Variants in PKHD1L1 observed in about 807,000 individuals in gnomAD.
PKHD1L1 encodes fibrocystin-L.
PKHD1L1 carries 434 observed loss-of-function variants against 462.9 expected under a neutral mutation model. The ratio of observed to expected loss-of-function variants is 0.94; its 90% CI spans 0.87 to 1.02. The LOEUF is 1.02. Among genes scored for constraint, PKHD1L1 ranks in the 50% least tolerant of loss-of-function variants. The probability of loss-of-function intolerance (pLI) is 0.00; values close to 1 mark genes in which losing one functional copy is unlikely to be tolerated. For missense variants in PKHD1L1, 5,202 were observed against 5,096.1 expected (o/e 1.02, Z -0.63); for synonymous variants, 1,781 against 1,750.0 (o/e 1.02, Z -0.44).
chr8:109,445,602 CCTG>C lies in PKHD1L1; in HGVS notation c.5734_5736del (p.Leu1912del). On this transcript the variant is annotated inframe_deletion, in exon 38 of 78. Coordinates refer to ENST00000378402, the MANE Select transcript of PKHD1L1 (RefSeq NM_177531.6). Reference sequence around the variant, plus strand: ...ATCCACCTTTGCTTTTTACATATGCCCTGGAGGATACTCCATTTCTCAGAGGAA... The same window carrying C: ...ATCCACCTTTGCTTTTTACATATGCCGAGGATACTCCATTTCTCAGAGGAA... The C allele has an allele frequency of 6.2e-7, 1 of 1,609,904 alleles. No homozygotes were observed. The highest frequency in any genetic ancestry group is 8.5e-7 in the Non-Finnish European group (1 of 1,177,464).
intron 21 of PKHD1L1, among the ~76,000 whole-genome samples, chr8:109,415,773 G>A (rs1223661171): frequency 4.0e-5 from 6 of 151,566 alleles, no homozygotes; most frequent in South Asian, 2.1e-4. Context: ...GCTTGAGTCC[G>A]GGAGATCCAG....
At chr8:109,395,610 A>G (rs1439378031) in intron 10 of PKHD1L1, among the ~76,000 whole-genome samples, 1 of 152,246 alleles carries the variant, frequency 6.6e-6, no homozygotes, top group Non-Finnish European at 1.5e-5. Flanking sequence ...CAAAGCCACA[A>G]GAAGTTCAAT....
chr8:109,410,137 G>A (rs1294857778), intron 19 of PKHD1L1, among the ~76,000 whole-genome samples, 159 bp downstream of exon 19: 1 of 152,162 alleles, frequency 6.6e-6, no homozygotes, highest in Non-Finnish European at 1.5e-5. Context: ...AGGGCTGTTG[G>A]TAGGTGCTAT....
rs182730412 is a variant in PKHD1L1, at chr8:109,431,399, A to G, written c.3229+1362A>G. The stretch of plus-strand genomic sequence containing the variant: ...ATCATTAATTTAAGAAAGAAATATT[A>G]TAGGAACAGCTAAATTTCTCTTTAA... On this transcript the variant is annotated intron_variant, in intron 27 of 77. Coordinates refer to ENST00000378402, the MANE Select transcript of PKHD1L1 (RefSeq NM_177531.6). 1.0e-3 allele frequency among the ~76,000 whole-genome samples: 153 copies of G among 152,316 alleles called. 4 individuals carry two copies. Among genetic ancestry groups the G allele is most frequent in the Admixed American group, 5.9e-4 (9 of 15,298 alleles).
intron 2 of PKHD1L1, among the ~76,000 whole-genome samples, chr8:109,374,999 G>A (rs1311334050): frequency 1.3e-5 from 2 of 152,128 alleles, no homozygotes; most frequent in Non-Finnish European, 2.9e-5. Flanking sequence ...TCTTCTTGAG[G>A]AGTATCTTTG....
At chr8:109,435,747 TA>T (rs1232641616) in intron 29 of PKHD1L1, among the ~76,000 whole-genome samples, 9 of 152,236 alleles carry the variant, frequency 5.9e-5, no homozygotes, top group Admixed American at 2.6e-4. Context: ...AAAGGAGGGC[TA>T]ACACACAGGA....
intron 1 of PKHD1L1, among the ~76,000 whole-genome samples, chr8:109,363,074 G>C (rs749412318): frequency 2.6e-5 from 4 of 152,144 alleles, no homozygotes; most frequent in Non-Finnish European, 5.9e-5. Flanking sequence ...CCAGTAGGAC[G>C]GGGATGGGAC....
intron 73 of PKHD1L1, among the ~76,000 whole-genome samples, chr8:109,518,749 A>G (rs887611997): frequency 6.6e-6 from 1 of 152,168 alleles, no homozygotes; most frequent in African/African-American, 2.4e-5. Flanking sequence ...TCAACAAAAG[A>G]ATTTGATCTA....
chr8:109,456,833 C>T (rs897368628), intron 46 of PKHD1L1, among the ~76,000 whole-genome samples: 3 of 152,118 alleles, frequency 2.0e-5, no homozygotes, highest in Non-Finnish European at 4.4e-5. Flanking sequence ...AGTGAACTCT[C>T]TTATCTTACA....
At chr8:109,504,571 G>A in intron 68 of PKHD1L1, 79 bp downstream of exon 68, 1 of 905,310 alleles carries the variant, frequency 1.1e-6, no homozygotes, top group Non-Finnish European at 1.6e-6. Flanking sequence ...ATCTGAGAAA[G>A]TTGGCATATT....
chr8:109,445,610 A>G lies in PKHD1L1; in HGVS notation c.5741A>G (p.Asp1914Gly). 1 of 1,609,792 alleles carries G rather than the reference A, an allele frequency of 6.2e-7. No individual in the cohort carries two copies. The highest frequency in any genetic ancestry group is 2.2e-5 in the East Asian group (1 of 44,826). ...TTGCTTTTTACATATGCCCTGGAGGATACTCCATTTCTCAGAGGAATTATC... is the reference window on the plus strand; with the variant it reads ...TTGCTTTTTACATATGCCCTGGAGGGTACTCCATTTCTCAGAGGAATTATC... ...PPLLFTYALE[D>G]TPFLRGIIPS... Residue 1914 changes from aspartate to glycine, a missense_variant, in exon 38 of 78, where the codon GAT becomes GGT. Around this residue, in one of 3 missense-constraint regions of PKHD1L1, gnomAD observed 4,497 missense variants for 4,336.8 expected, o/e 1.04. Transcript: ENST00000378402.
rs778666735 is a variant in PKHD1L1, at chr8:109,401,565, T to C, written c.1350T>C (p.Asp450=). Residue 450 remains aspartate (D), a synonymous_variant, in exon 14 of 78, where the codon GAT becomes GAC. Coordinates refer to ENST00000378402, the MANE Select transcript of PKHD1L1 (RefSeq NM_177531.6). ...CCAGTCCAACACAAAGATCAGATGA[T>C]ATTCATCTGCAGAAAGGAAAAGAGT... ...YFSSPTQRSD[D]IHLQKGKEYY... 1.3e-5 allele frequency: 21 copies of C among 1,582,698 alleles called. No homozygotes were observed. Among genetic ancestry groups the C allele is most frequent in the African/African-American group, 2.7e-5 (2 of 74,310 alleles).
chr8:109,419,284 G>A, intron 22 of PKHD1L1, 24 bp downstream of exon 22: 1 of 1,528,358 alleles, frequency 6.5e-7, no homozygotes. Flanking sequence ...TTTTATCTCT[G>A]CTTTAATCTA....
intron 8 of PKHD1L1, among the ~76,000 whole-genome samples, chr8:109,389,383 T>A (rs1276291730): frequency 6.6e-6 from 1 of 152,178 alleles, no homozygotes; most frequent in Non-Finnish European, 1.5e-5. Flanking sequence ...TTTCTCTTTC[T>A]TCTTCTTTCT....
chr8:109,365,569 T>C (rs1033175882), intron 2 of PKHD1L1, among the ~76,000 whole-genome samples: 5 of 152,354 alleles, frequency 3.3e-5, no homozygotes, highest in Middle Eastern at 3.4e-3. Flanking sequence ...ATATTATTCA[T>C]ATATCTTTAA....
chr8:109,529,943 C>A, intron 77 of PKHD1L1, 137 bp from the exon 78 acceptor site: 1 of 440,832 alleles, frequency 2.3e-6, no homozygotes, highest in Non-Finnish European at 3.7e-6. Context: ...CTGATTCTAA[C>A]ATTAAATGGG....
chr8:109,426,664 A>AT (rs57590068), intron 24 of PKHD1L1, among the ~76,000 whole-genome samples: 6 of 151,218 alleles, frequency 4.0e-5, no homozygotes, highest in East Asian at 1.9e-4. Context: ...TTTATTATTA[A>AT]TTTTTTTTTG....
At chr8:109,480,262 C>T (rs1262730119) in intron 55 of PKHD1L1, 123 bp downstream of exon 55, 1 of 1,021,398 alleles carries the variant, frequency 9.8e-7, no homozygotes, top group Non-Finnish European at 1.4e-6. Context: ...GGCTCTATCC[C>T]ATTAAATGCA....
In PKHD1L1 at chr8:109,368,753, G is replaced by A. The variant is rs556630309; in HGVS notation, c.163+4117G>A. Among the ~76,000 whole-genome samples the A allele has an allele frequency of 9.9e-5, 15 of 152,246 alleles. No homozygotes were observed. In the East Asian group the frequency reaches 1.9e-3, roughly 20 times the overall value. Reference sequence around the variant, plus strand: ...CATTTTCCATGATAGCAGCCCAGGCGTTCCTTTTGGATTGCTGCTATCAGG... The same window carrying A: ...CATTTTCCATGATAGCAGCCCAGGCATTCCTTTTGGATTGCTGCTATCAGG... On this transcript the variant is annotated intron_variant, in intron 2 of 77. Coordinates refer to ENST00000378402, the MANE Select transcript of PKHD1L1 (RefSeq NM_177531.6).
Sources: allele counts gnomAD v4.1 joint callset (sites outside exome capture counted in the v4.1 genomes callset), GRCh38; gene constraint gnomAD v4.1.1; regional missense constraint gnomAD v4.1.1; transcripts MANE v1.5; gene names NCBI Gene and HGNC (gene_info 2026-07-23, HGNC 2026-07-21).